HECTD4: variants seen among roughly 807,000 people sequenced by gnomAD.
HECTD4 encodes the protein HECT domain E3 ubiquitin protein ligase 4, also known as probable E3 ubiquitin-protein ligase HECTD4.
In HECTD4, 114 loss-of-function variants were observed where a neutral mutation model predicts 471.5. The ratio of observed to expected loss-of-function variants is 0.24; its 90% CI spans 0.21 to 0.28. The LOEUF is 0.28. Ranked by LOEUF, HECTD4 falls within the 10% of genes least tolerant of loss-of-function variation. The pLI is 1.00. For synonymous variants in HECTD4, 2,012 were observed against 2,256.0 expected, an observed-to-expected ratio of 0.89 and a Z score of 3.07; for missense variants, 3,866 against 5,651.5, an observed-to-expected ratio of 0.68 and a Z score of 10.13.
At chr12:112,172,622 C>T (rs369281224) in intron 67 of HECTD4, 49 bp downstream of exon 67, 75 of 1,574,698 alleles carry the variant, frequency 4.8e-5, no homozygotes, top group Middle Eastern at 1.9e-4. Flanking sequence ...TGTCATGGGG[C>T]ATGCCCGCAT....
chr12:112,274,233 C>T (rs1212111237), intron 10 of HECTD4, among the ~76,000 whole-genome samples: 1 of 152,176 alleles, frequency 6.6e-6, no homozygotes, highest in Non-Finnish European at 1.5e-5. Flanking sequence ...CATTTTCTAA[C>T]AATAACAGGT....
At chr12:112,237,169 G>A (rs1449479770) in intron 34 of HECTD4, 71 bp from the exon 35 acceptor site, 43 of 1,369,214 alleles carry the variant, frequency 3.1e-5, no homozygotes, top group Non-Finnish European at 3.4e-5. Flanking sequence ...CTGAGGGGGC[G>A]GCGAGCCCTG....
In HECTD4 at chr12:112,251,147, CAG is replaced by C. The variant is rs753434091; in HGVS notation, c.3553-15_3553-14del. ...CCTCCGAAGACTCCTACAATGCAGA[CAG>C]GGGTAAACCACACTGGTCAGTGTAC... On this transcript the variant is annotated splice_polypyrimidine_tract_variant and intron_variant, in intron 23 of 75. Coordinates refer to ENST00000682272, the MANE Select transcript of HECTD4 (RefSeq NM_001388303.1). 15 of 1,612,122 alleles carry C rather than the reference CAG, an allele frequency of 9.3e-6. No homozygotes were observed. Among genetic ancestry groups the C allele is most frequent in the South Asian group, 4.4e-5 (4 of 90,758 alleles).
chr12:112,261,819 G>A (rs1035491967), intron 17 of HECTD4: 5 of 158,970 alleles, frequency 3.1e-5, no homozygotes, highest in Admixed American at 6.4e-5. Flanking sequence ...GTGGTATGAG[G>A]ATAGCTAAAG....
intron 43 of HECTD4, 166 bp from the exon 44 acceptor site, chr12:112,226,924 T>C (rs972497975): frequency 3.5e-5 from 17 of 491,440 alleles, no homozygotes; most frequent in Admixed American, 6.8e-5. Flanking sequence ...CTTGGAAATA[T>C]ATAAATAACT....
intron 8 of HECTD4, among the ~76,000 whole-genome samples, chr12:112,281,423 AT>A (rs1462407947): frequency 6.6e-6 from 1 of 152,102 alleles, no homozygotes; most frequent in African/African-American, 2.4e-5. Context: ...TATTATACAT[AT>A]TTTCAACAAG....
rs1211787265 is a variant in HECTD4 at position 112,185,090 on chromosome 12, G to A, written c.9876C>T (p.Ser3292=). The change falls in exon 61 of 76, where the codon TCC becomes TCT. Residue 3292 remains serine, a synonymous_variant. Transcript: ENST00000682272. ...SATAPNLSDS[S]SSSSSSPGQT... Reference sequence around the variant, plus strand: ...GTCCTGGGGAGGACGAGGAGGAGGAGGACGAGTCACTGAGATTTGGGGCGG... The same window carrying A: ...GTCCTGGGGAGGACGAGGAGGAGGAAGACGAGTCACTGAGATTTGGGGCGG... 2.5e-6 allele frequency: 4 copies of A among 1,574,250 alleles called. No individual in the cohort carries two copies. Among genetic ancestry groups the A allele is most frequent in the East Asian group, 2.3e-5 (1 of 42,988 alleles).
rs771347176 is a variant in HECTD4, at chr12:112,246,955, C to T, written c.4459G>A (p.Ala1487Thr). 1.1e-5 allele frequency: 17 copies of T among 1,612,030 alleles called. No homozygotes were observed. Among genetic ancestry groups the T allele is most frequent in the South Asian group, 2.2e-5 (2 of 90,968 alleles). Residue 1487 changes from alanine to threonine, a missense_variant, in exon 29 of 76, where the codon GCA (alanine) becomes ACA (threonine). Coordinates refer to ENST00000682272, the MANE Select transcript of HECTD4 (RefSeq NM_001388303.1). ...CTTCTCGTGAGGCCCGACTGGGCTGCGATGGTGACATGCAGCAACAGCTCG... is the reference window on the plus strand; with the variant it reads ...CTTCTCGTGAGGCCCGACTGGGCTGTGATGGTGACATGCAGCAACAGCTCG... ...RAELLLHVTI[A>T]AQSGLTRSIS...
chr12:112,182,707 CT>C (rs969789722), intron 62 of HECTD4, among the ~76,000 whole-genome samples: 2 of 152,276 alleles, frequency 1.3e-5, no homozygotes, highest in African/African-American at 4.8e-5. Context: ...AAAGCCACCC[CT>C]GGTAGCCTCT....
At chr12:112,356,396 C>T (rs761113997) in intron 1 of HECTD4, among the ~76,000 whole-genome samples, 10 of 152,010 alleles carry the variant, frequency 6.6e-5, no homozygotes, top group Admixed American at 3.9e-4. Context: ...AGATCTTTTC[C>T]GTCTCACTCT....
At chr12:112,351,304 G>A (rs907696276) in intron 1 of HECTD4, among the ~76,000 whole-genome samples, 6 of 152,174 alleles carry the variant, frequency 3.9e-5, no homozygotes, top group African/African-American at 7.2e-5. Flanking sequence ...CCTCATGATC[G>A]CGTCAGAAGT....
At chr12:112,168,672 C>A (rs75555218) in intron 70 of HECTD4, among the ~76,000 whole-genome samples, 1 of 152,182 alleles carries the variant, frequency 6.6e-6, no homozygotes, top group Non-Finnish European at 1.5e-5. Context: ...TGACTGCTGA[C>A]GCCTGGAAGG....
At chr12:112,284,028 C>T (rs967010713) in intron 7 of HECTD4, among the ~76,000 whole-genome samples, 3 of 151,006 alleles carry the variant, frequency 2.0e-5, no homozygotes. Flanking sequence ...TTACTATAAG[C>T]TTCTCCTACT....
At position 112,250,245 on chromosome 12, in the gene HECTD4, T is replaced by C; in HGVS notation, c.3849A>G (p.Gly1283=). ...TGATCCGAGGCAGATCAAAGTAGTT[T>C]CCAACAGGAGGCACGAGGACATCAG... ...YPSDVLVPPV[G]NYFDLPRIRL... is the part of the protein sequence containing the mutation. The change falls in exon 25 of 76, where the codon GGA becomes GGG. Residue 1283 remains glycine, a synonymous_variant. Coordinates refer to ENST00000682272, the MANE Select transcript of HECTD4 (RefSeq NM_001388303.1). 1 of 1,613,946 alleles carries C rather than the reference T, an allele frequency of 6.2e-7. No homozygotes were observed. Among genetic ancestry groups the C allele is most frequent in the African/African-American group, 1.3e-5 (1 of 75,036 alleles).
chr12:112,371,002 G>A (rs76375386), intron 1 of HECTD4, among the ~76,000 whole-genome samples: 1,888 of 152,226 alleles, frequency 0.012, 46 homozygotes, highest in African/African-American at 0.043. Flanking sequence ...GGGAAAGGTG[G>A]GGAGGGGAAA....
rs114466547 is a variant in HECTD4, at chr12:112,368,913, A to G, written c.177+13039T>C. On this transcript the variant is annotated intron_variant, in intron 1 of 75. Coordinates refer to ENST00000682272, the MANE Select transcript of HECTD4 (RefSeq NM_001388303.1). ...ATCACTCATGTTATTAGCATGTAAG[A>G]GAGAAAATTTTCAGGGGCTCTAAGT... 4.2e-3 allele frequency among the ~76,000 whole-genome samples: 646 copies of G among 152,328 alleles called. 6 individuals carry two copies. Among genetic ancestry groups the G allele is most frequent in the African/African-American group, 0.015 (627 of 41,574 alleles).
intron 6 of HECTD4, 127 bp from the exon 7 acceptor site, chr12:112,306,361 G>T (rs559568214): frequency 1.3e-5 from 10 of 748,506 alleles, no homozygotes; most frequent in African/African-American, 1.1e-4. Context: ...AAAATAAAAT[G>T]GATATTTATC....
chr12:112,283,628 CA>C (rs1202922847), intron 7 of HECTD4, among the ~76,000 whole-genome samples: 4 of 152,156 alleles, frequency 2.6e-5, no homozygotes, highest in Admixed American at 6.5e-5. Flanking sequence ...GAGAGGAAAA[CA>C]AATCAATCAG....
chr12:112,218,877 G>C (rs149586441), intron 45 of HECTD4, among the ~76,000 whole-genome samples: 27 of 152,170 alleles, frequency 1.8e-4, no homozygotes, highest in African/African-American at 6.5e-4. Context: ...TGGGATTACT[G>C]ATGTGCACCA....
Sources: gnomAD v4.1 joint callset for allele counts (sites outside exome capture counted in the v4.1 genomes callset) on GRCh38, gnomAD v4.1.1 for gene constraint, MANE v1.5 for transcripts, NCBI Gene and HGNC (gene_info 2026-07-23, HGNC 2026-07-21) for gene names.